The following POTEF variants were observed in gnomAD, a reference collection of about 807,000 sequenced individuals.
POTEF encodes the protein POTE ankyrin domain family member F.
A neutral mutation model predicts 83.2 loss-of-function variants in POTEF; 20 were observed. The ratio of observed to expected loss-of-function variants is 0.24; its 90% CI spans 0.17 to 0.35. POTEF has a LOEUF of 0.35. Ranked by LOEUF, POTEF falls within the 10% of genes least tolerant of loss-of-function variation. The pLI is 1.00. For missense variants in POTEF, 550 were observed against 1,203.2 expected, an observed-to-expected ratio of 0.46 and a Z score of 8.03; for synonymous variants, 196 against 446.4, an observed-to-expected ratio of 0.44 and a Z score of 7.07.
Position 130,127,044 on chromosome 2 carries a change from G to A in POTEF, c.-94+665C>T, listed in dbSNP as rs182391455. 3.2e-3 allele frequency among the ~76,000 whole-genome samples: 486 copies of A among 152,004 alleles called. 4 individuals carry two copies. Among genetic ancestry groups the A allele is most frequent in the African/African-American group, 0.011 (463 of 41,344 alleles). ...AACAAAAAAGAAGGAAAAAATGGCC[G>A]GGAGTGGTGGCTCACGCCTATAATC... On this transcript the variant is annotated intron_variant, in intron 2 of 16. Coordinates refer to ENST00000409914, the MANE Select transcript of POTEF (RefSeq NM_001099771.2).
intron 8 of POTEF, among the ~76,000 whole-genome samples, chr2:130,107,127 G>A (rs1220164600): frequency 2.2e-5 from 3 of 138,844 alleles, no homozygotes; most frequent in East Asian, 2.1e-4. Context: ...AGCGTGAAAC[G>A]TTTTTCTGCT....
At chr2:130,100,994 G>A (rs540131385) in intron 9 of POTEF, among the ~76,000 whole-genome samples, 5 of 147,092 alleles carry the variant, frequency 3.4e-5, no homozygotes, top group South Asian at 2.1e-4. Context: ...GAAAAAAAAC[G>A]TGAACCAGCA....
chr2:130,119,687 A>G (rs1266976275), intron 3 of POTEF, among the ~76,000 whole-genome samples: 3 of 151,374 alleles, frequency 2.0e-5, no homozygotes, highest in East Asian at 3.9e-4. Context: ...TGTATAGAAC[A>G]TTGTTTTAAA....
chr2:130,109,187 A>C (rs1417750916), intron 7 of POTEF: 1 of 150,852 alleles, frequency 6.6e-6, no homozygotes, highest in Non-Finnish European at 1.5e-5. Context: ...TAGTCAAATG[A>C]CCTTCCAGTG....
At chr2:130,080,149 G>GA (rs1339356528) in intron 15 of POTEF, among the ~76,000 whole-genome samples, 1 of 23,268 alleles carries the variant, frequency 4.3e-5, no homozygotes, top group South Asian at 1.5e-3. Context: ...CTATTGCGGG[G>GA]GGGGGGGGGG....
At chr2:130,101,470 A>G (rs1684372013) in intron 9 of POTEF, among the ~76,000 whole-genome samples, 1 of 148,370 alleles carries the variant, frequency 6.7e-6, no homozygotes, top group East Asian at 2.0e-4. Context: ...GCAAGATATG[A>G]TTCTTGTAAT....
Position 130,075,436 on chromosome 2 carries a change from T to G in POTEF, c.2036A>C (p.Asp679Ala), listed in dbSNP as rs1683767900. The G allele has an allele frequency of 6.2e-7, 1 of 1,611,392 alleles. No homozygotes were observed. Among genetic ancestry groups the G allele is most frequent in the African/African-American group, 1.3e-5 (1 of 74,656 alleles). The change falls in exon 17 of 17, where the codon GAT (aspartate) becomes GCT (alanine). Residue 679 changes from aspartate (D) to alanine (A), a missense_variant. By Grantham distance (126) the Asp-to-Ala change is moderately radical. Transcript: ENST00000409914. ...SQLREKKYLE[D>A]IESVKKRNDN... is the part of the protein sequence containing the mutation. ...ATTCCTTTTTTTCACACTTTCAATA[T>G]CCTCCAAATATTTCTTTTCTCTTAG...
At chr2:130,102,808 A>G (rs987155054) in intron 8 of POTEF, among the ~76,000 whole-genome samples, 1 of 151,650 alleles carries the variant, frequency 6.6e-6, no homozygotes, top group Admixed American at 6.6e-5. Flanking sequence ...AACTGTCACT[A>G]TATGATTAAC....
chr2:130,095,027 T>C, intron 11 of POTEF, among the ~76,000 whole-genome samples: 1 of 85,892 alleles, frequency 1.2e-5, no homozygotes, highest in South Asian at 3.8e-4. Context: ...ATGTCAAACT[T>C]TTTTTTTTTT....
chr2:130,115,623 A>C (rs1684827633), intron 3 of POTEF, among the ~76,000 whole-genome samples: 1 of 152,184 alleles, frequency 6.6e-6, no homozygotes, highest in Admixed American at 6.5e-5. Context: ...TTGGGGTCTC[A>C]GTTTCCTCAT....
chr2:130,075,414 C>T lies in POTEF; in HGVS notation c.2058G>A (p.Arg686=), dbSNP rs770403962. The T allele has an allele frequency of 3.7e-6, 6 of 1,611,600 alleles. No homozygotes were observed. Among genetic ancestry groups the T allele is most frequent in the East Asian group, 4.5e-5 (2 of 44,864 alleles). ...GTAGAGCCTTTAAAAGATTATCATT[C>T]CTTTTTTTCACACTTTCAATATCCT... ...YLEDIESVKK[R]NDNLLKALQL... Residue 686 remains arginine (R), a synonymous_variant, in exon 17 of 17, where the codon AGG becomes AGA. Coordinates refer to ENST00000409914, the MANE Select transcript of POTEF (RefSeq NM_001099771.2).
intron 2 of POTEF, among the ~76,000 whole-genome samples, chr2:130,122,199 A>G (rs1345396659): frequency 6.7e-6 from 1 of 148,388 alleles, no homozygotes; most frequent in East Asian, 2.0e-4. Context: ...TGGACAGACC[A>G]CATTTTATTA....
intron 7 of POTEF, among the ~76,000 whole-genome samples, chr2:130,109,999 G>T (rs1684665350): frequency 6.6e-6 from 1 of 151,370 alleles, no homozygotes; most frequent in Non-Finnish European, 1.5e-5. Flanking sequence ...TCTTAAGGCA[G>T]CAGGACCAGT....
intron 1 of POTEF, among the ~76,000 whole-genome samples, chr2:130,128,742 CGCT>C (rs1685164236): frequency 3.9e-5 from 5 of 128,590 alleles, no homozygotes; most frequent in African/African-American, 1.5e-4. Context: ...AACCACCCCC[CGCT>C]GCCAGCATTG....
At chr2:130,091,045 TACAACAGCAG>T (rs1281059173) in intron 12 of POTEF, among the ~76,000 whole-genome samples, 1 of 59,074 alleles carries the variant, frequency 1.7e-5, no homozygotes, top group Non-Finnish European at 3.5e-5. Context: ...GCTTTCACAC[TACAACAGCAG>T]ACAACAGCAC....
intron 2 of POTEF, among the ~76,000 whole-genome samples, chr2:130,121,128 C>CGCGTGCGCGTGCG (rs1282610976): frequency 0.012 from 1,744 of 149,164 alleles, 77 homozygotes; most frequent in African/African-American, 0.042. Flanking sequence ...GCGCGGCGTG[C>CGCGTGCGCGTGCG]GCGTGCGCGT....
intron 3 of POTEF, among the ~76,000 whole-genome samples, chr2:130,118,694 CA>C (rs1274484182): frequency 1.3e-5 from 2 of 148,880 alleles, no homozygotes; most frequent in Non-Finnish European, 3.0e-5. Flanking sequence ...AGACTCCATC[CA>C]AAAAAAAGTA....
intron 11 of POTEF, among the ~76,000 whole-genome samples, chr2:130,096,522 T>TGATA (rs1165312181): frequency 6.9e-6 from 1 of 145,268 alleles, no homozygotes; most frequent in African/African-American, 2.6e-5. Flanking sequence ...GACAAGTGTG[T>TGATA]GATACCCAAT....
chr2:130,103,383 G>GC (rs1269386272), intron 8 of POTEF, among the ~76,000 whole-genome samples: 1 of 150,744 alleles, frequency 6.6e-6, no homozygotes, highest in Non-Finnish European at 1.5e-5. Flanking sequence ...AGAGGTGTGA[G>GC]CCACCACACT....
Sources: allele counts gnomAD v4.1 joint callset (sites outside exome capture counted in the v4.1 genomes callset), GRCh38; gene constraint gnomAD v4.1.1; transcripts MANE v1.5; gene names NCBI Gene and HGNC (gene_info 2026-07-23, HGNC 2026-07-21).